DMRT1: variants seen among roughly 807,000 people sequenced by gnomAD.
DMRT1 encodes doublesex- and mab-3-related transcription factor 1.
Under a neutral mutation model 32.3 loss-of-function variants are expected in DMRT1, and 7 were observed. That is an observed-to-expected ratio of 0.22 (90% CI 0.12 to 0.41). DMRT1 has a LOEUF of 0.41. Ranked by LOEUF, DMRT1 falls within the 10% of genes least tolerant of loss-of-function variation. DMRT1 has a pLI of 1.00. For synonymous variants in DMRT1, 278 were observed against 206.1 expected (o/e 1.35, Z -2.99); for missense variants, 625 against 500.5 (o/e 1.25, Z -2.37).
chr9:957,807 C>T (rs1379583725), intron 4 of DMRT1, among the ~76,000 whole-genome samples: 7 of 151,898 alleles, frequency 4.6e-5, no homozygotes, highest in Non-Finnish European at 7.4e-5. Flanking sequence ...GTCAGGAGTT[C>T]GAGACCAGCC....
In DMRT1 at chr9:910,678, C is replaced by A. The variant is rs529081715; in HGVS notation, c.823-6085C>A. ...TTAACAATTTAATAGAACACAACTC[C>A]AAGGTCTTGGGTTGCCTGCAAAGTT... On this transcript the variant is annotated intron_variant, in intron 3 of 4. Transcript: ENST00000382276. 7.2e-5 allele frequency among the ~76,000 whole-genome samples: 11 copies of A among 152,154 alleles called. No homozygotes were observed. The South Asian group carries it at 2.3e-3, about 32-fold the overall frequency.
chr9:902,779 A>G (rs1432508402), intron 3 of DMRT1, among the ~76,000 whole-genome samples: 1 of 152,016 alleles, frequency 6.6e-6, no homozygotes, highest in Non-Finnish European at 1.5e-5. Context: ...GTGAGCCACC[A>G]TGCCCAGCTT....
chr9:858,048 T>C (rs7872956), intron 2 of DMRT1, among the ~76,000 whole-genome samples: 11,296 of 152,088 alleles, frequency 0.074, 1,259 homozygotes, highest in African/African-American at 0.24. Context: ...TGGGTTGGTT[T>C]CAAGTCTTTG....
chr9:846,332 C>G (rs1244070071), intron 1 of DMRT1, among the ~76,000 whole-genome samples: 3 of 152,070 alleles, frequency 2.0e-5, no homozygotes, highest in African/African-American at 7.2e-5. Context: ...CACTCCTGGC[C>G]CTGTTTCATT....
intron 2 of DMRT1, among the ~76,000 whole-genome samples, chr9:875,105 C>T (rs767810229): frequency 1.3e-5 from 2 of 152,112 alleles, no homozygotes; most frequent in East Asian, 3.9e-4. Flanking sequence ...CCACCGCGCC[C>T]GGCCAACACT....
intron 3 of DMRT1, among the ~76,000 whole-genome samples, chr9:900,587 A>T (rs1001385470): frequency 1.3e-5 from 2 of 152,134 alleles, no homozygotes; most frequent in African/African-American, 2.4e-5. Context: ...CTCAGGAGAC[A>T]GTTATGATGA....
At chr9:952,223 A>C (rs1023647595) in intron 4 of DMRT1, among the ~76,000 whole-genome samples, 1 of 152,238 alleles carries the variant, frequency 6.6e-6, no homozygotes, top group African/African-American at 2.4e-5. Context: ...GCAGATGCTC[A>C]GTAAATGTTC....
In DMRT1 at chr9:897,878, G is replaced by C. The variant is rs75658029; in HGVS notation, c.822+3683G>C. On this transcript the variant is annotated intron_variant, in intron 3 of 4. Transcript: ENST00000382276. The stretch of plus-strand genomic sequence containing the variant: ...TGACATGCGAATATGGACCAAGTAT[G>C]AATGTGTATGGATTGATTTCTGTAT... Among the ~76,000 whole-genome samples, 1,147 of 152,252 alleles carry C rather than the reference G, an allele frequency of 7.5e-3. 13 individuals are homozygous for C. Among genetic ancestry groups the C allele is most frequent in the African/African-American group, 0.026 (1,095 of 41,546 alleles).
chr9:865,292 C>T (rs971853911), intron 2 of DMRT1, among the ~76,000 whole-genome samples: 1 of 152,150 alleles, frequency 6.6e-6, no homozygotes, highest in African/African-American at 2.4e-5. Flanking sequence ...AGACCTGGCT[C>T]AGTTTCTTAC....
intron 1 of DMRT1, chr9:842,461 C>G (rs533279401): frequency 6.3e-6 from 3 of 473,708 alleles, no homozygotes; most frequent in African/African-American, 6.2e-5. Context: ...GTCTCGAGCT[C>G]CTGACCTCAG....
At chr9:924,818 T>C (rs1033920032) in intron 4 of DMRT1, among the ~76,000 whole-genome samples, 2 of 152,230 alleles carry the variant, frequency 1.3e-5, no homozygotes, top group African/African-American at 4.8e-5. Context: ...CAGGTCCCTT[T>C]ATGCCTAAAG....
intron 4 of DMRT1, among the ~76,000 whole-genome samples, chr9:936,492 C>G (rs552512222): frequency 3.3e-5 from 5 of 152,254 alleles, no homozygotes; most frequent in African/African-American, 1.2e-4. Context: ...TGGCTCATGC[C>G]TGTAATCCTA....
intron 2 of DMRT1, among the ~76,000 whole-genome samples, chr9:891,109 G>C (rs1048558065): frequency 3.9e-5 from 6 of 151,932 alleles, no homozygotes; most frequent in South Asian, 2.1e-4. Context: ...GGAGGACAAG[G>C]TGGTTTGATT....
intron 2 of DMRT1, among the ~76,000 whole-genome samples, chr9:864,637 T>C (rs1815885683): frequency 6.6e-6 from 1 of 152,040 alleles, no homozygotes; most frequent in Non-Finnish European, 1.5e-5. Flanking sequence ...CAGCTGGGAC[T>C]ACAGGCGCCC....
At chr9:846,584 T>C (rs1267001230) in intron 1 of DMRT1, among the ~76,000 whole-genome samples, 1 of 152,096 alleles carries the variant, frequency 6.6e-6, no homozygotes, top group African/African-American at 2.4e-5. Flanking sequence ...ACAAGCTTTT[T>C]TATTTGTTTG....
At chr9:926,653 T>G (rs1818533490) in intron 4 of DMRT1, among the ~76,000 whole-genome samples, 1 of 151,400 alleles carries the variant, frequency 6.6e-6, no homozygotes, top group African/African-American at 2.4e-5. Flanking sequence ...GGTTTTCATT[T>G]TGGCTAAAGA....
chr9:854,265 C>A (rs1037497330), intron 2 of DMRT1, among the ~76,000 whole-genome samples: 1 of 151,916 alleles, frequency 6.6e-6, no homozygotes, highest in Admixed American at 6.6e-5. Context: ...TACAGGTGCG[C>A]TACATGCCCA....
intron 2 of DMRT1, among the ~76,000 whole-genome samples, chr9:877,565 C>CA (rs1816555675): frequency 6.6e-6 from 1 of 152,318 alleles, no homozygotes; most frequent in South Asian, 2.1e-4. Flanking sequence ...AGGGAATCTG[C>CA]ACATCTCATT....
Position 885,831 on chromosome 9 carries a change from A to G in DMRT1, c.539-8081A>G, listed in dbSNP as rs370100974. Among the ~76,000 whole-genome samples, 6 of 152,320 alleles carry G rather than the reference A, an allele frequency of 3.9e-5. No homozygotes were observed. The East Asian group carries it at 5.8e-4, about 15-fold the overall frequency. ...CCCTGCCCACTTCTGTATCAGATCT[A>G]CAGGTTGATAATTCTGTAATGGACT... On this transcript the variant is annotated intron_variant, in intron 2 of 4. Coordinates refer to ENST00000382276, the MANE Select transcript of DMRT1 (RefSeq NM_021951.3).
Sources: gnomAD v4.1 joint callset for allele counts (sites outside exome capture counted in the v4.1 genomes callset) on GRCh38, gnomAD v4.1.1 for gene constraint, MANE v1.5 for transcripts, NCBI Gene and HGNC (gene_info 2026-07-23, HGNC 2026-07-21) for gene names.